The following ITGA8 variants were observed in gnomAD, a reference collection of about 807,000 sequenced individuals.
ITGA8 encodes the protein integrin subunit alpha 8.
A neutral mutation model predicts 142.3 loss-of-function variants in ITGA8; 91 were observed. The ratio of observed to expected loss-of-function variants is 0.64; its 90% confidence interval spans 0.54 to 0.76. The LOEUF (loss-of-function observed/expected upper bound fraction) is 0.76, where lower values mean the gene tolerates loss of function less well. Ranked by LOEUF, ITGA8 falls within the 30% of genes least tolerant of loss-of-function variation. The probability of loss-of-function intolerance (pLI) is 0.00; values close to 1 mark genes in which losing one functional copy is unlikely to be tolerated. For synonymous variants in ITGA8, 505 were observed against 485.2 expected, an observed-to-expected ratio of 1.04 and a Z score of -0.54; for missense variants, 1,406 against 1,327.7, an observed-to-expected ratio of 1.06 and a Z score of -0.92.
At chr10:15,680,025 A>G (rs1834705864) in intron 4 of ITGA8, among the ~76,000 whole-genome samples, 2 of 152,202 alleles carry the variant, frequency 1.3e-5, no homozygotes, top group African/African-American at 4.8e-5. Flanking sequence ...GGAAACTGAA[A>G]TAAGAGAACA....
At chr10:15,662,525 G>A (rs1044719855) in intron 8 of ITGA8, among the ~76,000 whole-genome samples, 1 of 151,676 alleles carries the variant, frequency 6.6e-6, no homozygotes, top group Non-Finnish European at 1.5e-5. Context: ...ATTTTGTAGA[G>A]ACAGGGTCTC....
At chr10:15,607,895 G>A (rs1176706797) in intron 16 of ITGA8, 64 bp from the exon 17 acceptor site, 1 of 1,369,230 alleles carries the variant, frequency 7.3e-7, no homozygotes, top group African/African-American at 1.4e-5. Flanking sequence ...TCAGAGAGAT[G>A]AATTTCTATT....
In ITGA8 at chr10:15,719,617, G is replaced by C; in HGVS notation, c.155C>G (p.Pro52Arg). ...DVEKLTVYSG[P>R]KGSYFGYAVD... ...GGCGTAGCCGAAGTAGCTGCCCTTG[G>C]GGCCGCTGTACACTGTGAGCTTTTC... The change falls in exon 1 of 30, where the codon CCC becomes CGC. Residue 52 changes from proline (P) to arginine (R), a missense_variant. Physicochemically the swap from Pro to Arg is moderately radical, Grantham distance 103. Coordinates refer to ENST00000378076, the MANE Select transcript of ITGA8 (RefSeq NM_003638.3). 6.4e-7 allele frequency: 1 copy of C among 1,561,816 alleles called. No individual in the cohort carries two copies. The highest frequency in any genetic ancestry group is 2.5e-5 in the East Asian group (1 of 39,572).
chr10:15,552,106 G>A (rs1056007816), intron 26 of ITGA8, among the ~76,000 whole-genome samples: 1 of 151,588 alleles, frequency 6.6e-6, no homozygotes, highest in Non-Finnish European at 1.5e-5. Context: ...CCCTGAAGTG[G>A]AAATTAAAAA....
chr10:15,541,646 T>C (rs1432942224), intron 27 of ITGA8, among the ~76,000 whole-genome samples: 1 of 152,180 alleles, frequency 6.6e-6, no homozygotes. Context: ...TAGTATCCTG[T>C]GTCAGGTGAT....
At position 15,597,211 on chromosome 10, in the gene ITGA8, G is replaced by A. The variant is rs758129373; in HGVS notation, c.2207C>T (p.Thr736Ile). The A allele has an allele frequency of 9.3e-6, 15 of 1,611,258 alleles. No homozygotes were observed. The highest frequency in any genetic ancestry group is 1.7e-5 in the Admixed American group (1 of 60,006). ...GTATTTCTGGTTCTCTCTTACATTT[G>A]TTCCAGACACCATAGGGTTCCCAAG... ...CDLGNPMVSG[T>I]NYSLGLRFAV... The change falls in exon 21 of 30, where the codon ACA becomes ATA. Residue 736 changes from threonine (T) to isoleucine (I), a missense_variant. Transcript: ENST00000378076.
intron 16 of ITGA8, 120 bp downstream of exon 16, chr10:15,608,115 C>A: frequency 1.3e-6 from 1 of 745,154 alleles, no homozygotes; most frequent in Non-Finnish European, 2.3e-6. Context: ...TCCATATATG[C>A]AACAGATATC....
At chr10:15,696,124 G>A (rs1307783311) in intron 2 of ITGA8, among the ~76,000 whole-genome samples, 1 of 152,216 alleles carries the variant, frequency 6.6e-6, no homozygotes, top group Non-Finnish European at 1.5e-5. Flanking sequence ...GTCTGAAGCA[G>A]AAGGAAGGCA....
chr10:15,677,690 A>G, intron 5 of ITGA8, 53 bp from the exon 6 acceptor site: 2 of 1,534,120 alleles, frequency 1.3e-6, no homozygotes, highest in Non-Finnish European at 1.8e-6. Flanking sequence ...AATACTAAAC[A>G]TTTTTAAAGG....
chr10:15,545,490 G>A (rs376813893), intron 27 of ITGA8, among the ~76,000 whole-genome samples: 7 of 136,912 alleles, frequency 5.1e-5, no homozygotes, highest in African/African-American at 2.6e-4. Flanking sequence ...TATAACACAT[G>A]ATGATAAAGA....
intron 13 of ITGA8, among the ~76,000 whole-genome samples, chr10:15,616,815 C>G (rs150327869): frequency 6.6e-6 from 1 of 152,266 alleles, no homozygotes; most frequent in East Asian, 1.9e-4. Flanking sequence ...AGAAACTCAT[C>G]ATCGCATCAC....
chr10:15,611,526 C>CT (rs1833294385), intron 15 of ITGA8: 1 of 143,564 alleles, frequency 7.0e-6, no homozygotes, highest in Non-Finnish European at 1.5e-5. Context: ...GAGTCTCCCT[C>CT]TGTCACCCAG....
rs1356454962 is a variant in ITGA8 at position 15,514,896 on chromosome 10, G to A, written c.*2262C>T. ...GAGCCCTCATGCCTTGCTTCATTCTGGGTCTCAGTCTTCCTCCTGGCATCT... is the reference window on the plus strand; with the variant it reads ...GAGCCCTCATGCCTTGCTTCATTCTAGGTCTCAGTCTTCCTCCTGGCATCT... On this transcript the variant is annotated 3_prime_UTR_variant, in exon 30 of 30. Transcript: ENST00000378076. The A allele has an allele frequency of 6.6e-6, 1 of 152,284 alleles. No homozygotes were observed. Among genetic ancestry groups the A allele is most frequent in the Non-Finnish European group, 1.5e-5 (1 of 68,130 alleles). The allele number at this position is 152,284 out of a possible 1,614,324, so 9.4% of individuals were successfully genotyped here. A position where few individuals can be genotyped will look rare whatever the true frequency, so the allele number is the denominator to read the frequency against.
intron 8 of ITGA8, among the ~76,000 whole-genome samples, chr10:15,667,399 T>G (rs1040665716): frequency 6.6e-6 from 1 of 152,150 alleles, no homozygotes; most frequent in Non-Finnish European, 1.5e-5. Context: ...TCTATTTGAT[T>G]CTTCTCTCTT....
chr10:15,576,420 A>G (rs1232215693), intron 23 of ITGA8, among the ~76,000 whole-genome samples: 1 of 152,244 alleles, frequency 6.6e-6, no homozygotes, highest in South Asian at 2.1e-4. Context: ...TATTATTTTT[A>G]TAAAATCTTA....
At chr10:15,671,562 C>A in intron 8 of ITGA8, 41 bp downstream of exon 8, 3 of 1,546,586 alleles carry the variant, frequency 1.9e-6, no homozygotes, top group Non-Finnish European at 2.7e-6. Flanking sequence ...TACCATTTCC[C>A]CATGCTTTAT....
chr10:15,620,943 C>T (rs1341835635), intron 13 of ITGA8, among the ~76,000 whole-genome samples: 1 of 152,116 alleles, frequency 6.6e-6, no homozygotes, highest in Non-Finnish European at 1.5e-5. Flanking sequence ...TAAGATATTG[C>T]ATAATTCTGT....
intron 2 of ITGA8, among the ~76,000 whole-genome samples, chr10:15,707,953 C>T (rs1344468283): frequency 1.6e-5 from 2 of 126,130 alleles, no homozygotes; most frequent in Admixed American, 8.8e-5. Context: ...AATAAATGTG[C>T]ACACACCGAC....
Position 15,516,911 on chromosome 10 carries a change from A to G in ITGA8, c.*247T>C, listed in dbSNP as rs1832971723. ...TGCCAAGTACAGAACGATTAAAGCAAAAGAAAATCTTCCACAATTGCTGAT... is the reference window on the plus strand; with the variant it reads ...TGCCAAGTACAGAACGATTAAAGCAGAAGAAAATCTTCCACAATTGCTGAT... On this transcript the variant is annotated 3_prime_UTR_variant, in exon 30 of 30. Coordinates refer to ENST00000378076, the MANE Select transcript of ITGA8 (RefSeq NM_003638.3). The G allele has an allele frequency of 1.1e-5, 4 of 380,288 alleles. No individual in the cohort carries two copies. In the East Asian group the frequency reaches 2.2e-4, roughly 21 times the overall value. 23.6% of individuals were successfully genotyped at this position (380,288 alleles called of 1,614,324 possible).
Sources: allele counts gnomAD v4.1 joint callset (sites outside exome capture counted in the v4.1 genomes callset), GRCh38; gene constraint gnomAD v4.1.1; transcripts MANE v1.5; gene names NCBI Gene and HGNC (gene_info 2026-07-23, HGNC 2026-07-21).